SMIM35: variants seen among roughly 807,000 people sequenced by gnomAD.
The protein encoded by SMIM35 is small integral membrane protein 35.
At chr11:118,072,817 T>A (rs562382235) in intron 1 of SMIM35, among the ~76,000 whole-genome samples, 1 of 152,358 alleles carries the variant, frequency 6.6e-6, no homozygotes, top group African/African-American at 2.4e-5. Flanking sequence ...AGGCCTAGCA[T>A]GAGCTCCATA....
At chr11:118,041,204 C>A (rs1943994261) in intron 1 of SMIM35, among the ~76,000 whole-genome samples, 1 of 151,954 alleles carries the variant, frequency 6.6e-6, no homozygotes, top group Non-Finnish European at 1.5e-5. Flanking sequence ...ATAGAAAACT[C>A]AACAATAATA....
At chr11:118,020,494 T>C (rs1376242475) in intron 1 of SMIM35, among the ~76,000 whole-genome samples, 1 of 152,234 alleles carries the variant, frequency 6.6e-6, no homozygotes, top group African/African-American at 2.4e-5. Context: ...TTTGAGATAC[T>C]GAGTCTACAA....
intron 1 of SMIM35, among the ~76,000 whole-genome samples, chr11:118,082,578 G>GAAAT: frequency 6.6e-6 from 1 of 151,476 alleles, no homozygotes; most frequent in African/African-American, 2.4e-5. Context: ...AAGAAAGAAA[G>GAAAT]AAAGAAATTG....
intron 4 of SMIM35, among the ~76,000 whole-genome samples, chr11:118,010,457 TCTC>T (rs1359339716): frequency 6.6e-6 from 1 of 152,204 alleles, no homozygotes; most frequent in African/African-American, 2.4e-5. Flanking sequence ...GGGTGTCTCT[TCTC>T]TACTCGGCAA....
chr11:118,077,392 C>T, intron 1 of SMIM35: 3 of 1,441,264 alleles, frequency 2.1e-6, no homozygotes, highest in Non-Finnish European at 2.8e-6. Flanking sequence ...CATCCATCAG[C>T]TGAGAATTCT....
At chr11:118,054,550 C>A (rs142232792) in intron 1 of SMIM35, among the ~76,000 whole-genome samples, 108 of 152,252 alleles carry the variant, frequency 7.1e-4, no homozygotes, top group African/African-American at 2.5e-3. Flanking sequence ...GGATTTACAT[C>A]TTGCCCTTTT....
At chr11:118,063,004 G>A (rs1351651454) in intron 1 of SMIM35, among the ~76,000 whole-genome samples, 1 of 152,124 alleles carries the variant, frequency 6.6e-6, no homozygotes, top group African/African-American at 2.4e-5. Flanking sequence ...CGTCCTCACT[G>A]CTGCACTCCC....
At chr11:118,039,325 A>T (rs961954801) in intron 1 of SMIM35, among the ~76,000 whole-genome samples, 2 of 152,206 alleles carry the variant, frequency 1.3e-5, no homozygotes, top group African/African-American at 4.8e-5. Flanking sequence ...GCTTATATTC[A>T]GTTAATTAGG....
intron 1 of SMIM35, among the ~76,000 whole-genome samples, chr11:118,060,064 C>G (rs999286815): frequency 1.3e-5 from 2 of 152,172 alleles, no homozygotes; most frequent in Non-Finnish European, 2.9e-5. Context: ...GGAGAGGAGT[C>G]TGAGTGGGGT....
At chr11:118,010,381 C>T (rs998494921) in intron 4 of SMIM35, among the ~76,000 whole-genome samples, 6 of 152,124 alleles carry the variant, frequency 3.9e-5, no homozygotes, top group African/African-American at 1.2e-4. Context: ...GCTCCCTCTT[C>T]GCCTCCCAGC....
intron 1 of SMIM35, among the ~76,000 whole-genome samples, chr11:118,032,153 G>A (rs2058325307): frequency 1.3e-5 from 2 of 152,148 alleles, no homozygotes; most frequent in Admixed American, 1.3e-4. Context: ...GCTCCAGACT[G>A]AAGCAGAATA....
chr11:118,059,703 C>G (rs1366970126), intron 1 of SMIM35, among the ~76,000 whole-genome samples: 1 of 152,184 alleles, frequency 6.6e-6, no homozygotes, highest in Non-Finnish European at 1.5e-5. Context: ...AGCTCTACCT[C>G]CATTCATTTG....
intron 1 of SMIM35, among the ~76,000 whole-genome samples, chr11:118,047,563 C>A (rs552259754): frequency 6.6e-6 from 1 of 152,174 alleles, no homozygotes; most frequent in Non-Finnish European, 1.5e-5. Context: ...CACCCACAGC[C>A]GGCCACAGCC....
chr11:118,067,762 A>T (rs972452209), intron 1 of SMIM35, among the ~76,000 whole-genome samples: 1 of 149,886 alleles, frequency 6.7e-6, no homozygotes, highest in African/African-American at 2.5e-5. Flanking sequence ...AACCCGGGAG[A>T]TGGAGGTTGC....
Position 118,074,754 on chromosome 11 carries a change from A to G in SMIM35, c.7+11997T>C, listed in dbSNP as rs1288610430. ...AGAGGGGGACCCTGTCTCAGAAAAA[A>G]AAAAAAAAAAAGAATGTGGGTTCTG... On this transcript the variant is annotated intron_variant, in intron 1 of 4. Transcript: ENST00000689828. Among the ~76,000 whole-genome samples, 328 of 151,536 alleles carry G rather than the reference A, an allele frequency of 2.2e-3. 2 individuals carry two copies. The highest frequency in any genetic ancestry group is 5.1e-3 in the African/African-American group (209 of 41,336).
intron 1 of SMIM35, among the ~76,000 whole-genome samples, chr11:118,030,389 G>A (rs2058308381): frequency 6.6e-6 from 1 of 152,138 alleles, no homozygotes; most frequent in African/African-American, 2.4e-5. Context: ...AATGCTGGGA[G>A]ACAATAGAGC....
intron 1 of SMIM35, among the ~76,000 whole-genome samples, chr11:118,066,703 A>T (rs1207939510): frequency 1.3e-5 from 2 of 152,130 alleles, no homozygotes; most frequent in South Asian, 4.1e-4. Context: ...GCATGGTGGC[A>T]TGCCTGAGTC....
chr11:118,035,090 C>T (rs935339272), intron 1 of SMIM35, among the ~76,000 whole-genome samples: 2 of 151,856 alleles, frequency 1.3e-5, no homozygotes, highest in South Asian at 2.1e-4. Flanking sequence ...TAGCTGGGAC[C>T]GTAGGCATCC....
chr11:118,079,640 C>T (rs1490505933), intron 1 of SMIM35, among the ~76,000 whole-genome samples: 2 of 152,190 alleles, frequency 1.3e-5, no homozygotes, highest in African/African-American at 4.8e-5. Context: ...TGAGGTCAAC[C>T]CCCTGACGCT....
Sources: allele counts gnomAD v4.1 joint callset (sites outside exome capture counted in the v4.1 genomes callset), GRCh38; gene constraint gnomAD v4.1.1; transcripts MANE v1.5; gene names NCBI Gene and HGNC (gene_info 2026-07-23, HGNC 2026-07-21).